GDA: variants seen among roughly 807,000 people sequenced by gnomAD.
GDA encodes guanine deaminase.
In GDA, 18 loss-of-function variants were observed where a neutral mutation model predicts 59.6. That is an observed-to-expected ratio of 0.30 (90% CI 0.21 to 0.45). The LOEUF (loss-of-function observed/expected upper bound fraction) is 0.45. Ranked by LOEUF, GDA falls within the 20% of genes least tolerant of loss-of-function variation. The probability of loss-of-function intolerance (pLI) is 1.00; values close to 1 mark genes in which losing one functional copy is unlikely to be tolerated. For synonymous variants in GDA, 201 were observed against 201.1 expected, an observed-to-expected ratio of 1.00 and a Z score of 0.00; for missense variants, 427 against 552.3, an observed-to-expected ratio of 0.77 and a Z score of 2.27.
intron 11 of GDA, among the ~76,000 whole-genome samples, chr9:72,241,972 T>C (rs1400231966): frequency 6.6e-6 from 1 of 152,200 alleles, no homozygotes; most frequent in African/African-American, 2.4e-5. Context: ...ATGATCATAA[T>C]AGTAAAATAG....
chr9:72,239,132 C>T (rs866727039), intron 10 of GDA, among the ~76,000 whole-genome samples: 2 of 152,128 alleles, frequency 1.3e-5, no homozygotes, highest in South Asian at 2.1e-4. Flanking sequence ...CGGGAAGAAT[C>T]GGCAAGTTAC....
At chr9:72,218,085 T>C (rs1836366546) in intron 5 of GDA, among the ~76,000 whole-genome samples, 1 of 152,098 alleles carries the variant, frequency 6.6e-6, no homozygotes. Context: ...AGCTAATTTT[T>C]ATGTTTTTAG....
chr9:72,212,601 T>C lies in GDA; in HGVS notation c.473-1285T>C, dbSNP rs191540881. 6.5e-4 allele frequency among the ~76,000 whole-genome samples: 99 copies of C among 152,266 alleles called. 1 individual carries two copies. In the East Asian group the frequency reaches 0.019, roughly 29 times the overall value. On this transcript the variant is annotated intron_variant, in intron 4 of 13. Coordinates refer to ENST00000358399, the MANE Select transcript of GDA (RefSeq NM_004293.5). ...CATAGCAGAGAACACTGTACATATATAGGTTTAGACCTTAACCAAATAATA... is the reference window on the plus strand; with the variant it reads ...CATAGCAGAGAACACTGTACATATACAGGTTTAGACCTTAACCAAATAATA...
At chr9:72,115,404 T>C (rs1011850143) in intron 1 of GDA, among the ~76,000 whole-genome samples, 3 of 152,178 alleles carry the variant, frequency 2.0e-5, no homozygotes, top group African/African-American at 7.2e-5. Context: ...TAACAGAATG[T>C]TAATTCTGTG....
chr9:72,239,375 T>C (rs62562038), intron 10 of GDA, among the ~76,000 whole-genome samples: 4,040 of 152,284 alleles, frequency 0.027, 86 homozygotes, highest in South Asian at 0.074. Flanking sequence ...TTTATACTTA[T>C]TCTTTCTGTA....
At chr9:72,143,909 T>A (rs2130661045) in intron 1 of GDA, among the ~76,000 whole-genome samples, 1 of 152,282 alleles carries the variant, frequency 6.6e-6, no homozygotes, top group African/African-American at 2.4e-5. Context: ...TCAAGAGTAA[T>A]ATAGGAGCTA....
intron 11 of GDA, among the ~76,000 whole-genome samples, chr9:72,242,041 T>C (rs939656270): frequency 6.6e-6 from 1 of 152,242 alleles, no homozygotes; most frequent in Admixed American, 6.5e-5. Flanking sequence ...ATACTTTATA[T>C]GTGTTGTTAT....
At chr9:72,239,195 G>A (rs770466662) in intron 10 of GDA, among the ~76,000 whole-genome samples, 1 of 152,158 alleles carries the variant, frequency 6.6e-6, no homozygotes, top group Non-Finnish European at 1.5e-5. Flanking sequence ...TAAATACCAT[G>A]AAATTATGCA....
intron 9 of GDA, among the ~76,000 whole-genome samples, chr9:72,230,028 CA>C (rs1310287054): frequency 6.6e-6 from 1 of 152,174 alleles, no homozygotes; most frequent in Non-Finnish European, 1.5e-5. Flanking sequence ...CTTTAGGACA[CA>C]TTTCTGTTTA....
At chr9:72,124,455 T>TAGAGTGCATATG (rs1166907044) in intron 1 of GDA, among the ~76,000 whole-genome samples, 1 of 152,230 alleles carries the variant, frequency 6.6e-6, no homozygotes, top group African/African-American at 2.4e-5. Flanking sequence ...CATATGTCTT[T>TAGAGTGCATATG]AGAACCAATG....
intron 1 of GDA, among the ~76,000 whole-genome samples, chr9:72,173,338 T>C (rs78173708): frequency 2.7e-5 from 4 of 149,848 alleles, no homozygotes; most frequent in Non-Finnish European, 4.5e-5. Flanking sequence ...TCCCCTTCTT[T>C]TTTTTTTTTT....
chr9:72,214,721 CTTT>C (rs746360588), intron 5 of GDA: 4 of 296,192 alleles, frequency 1.4e-5, no homozygotes, highest in South Asian at 5.5e-5. Flanking sequence ...ATTCAAAGTT[CTTT>C]TTTTTTTTTC....
chr9:72,241,467 G>A (rs1331354875), intron 11 of GDA, among the ~76,000 whole-genome samples, 169 bp downstream of exon 11: 1 of 152,218 alleles, frequency 6.6e-6, no homozygotes, highest in Non-Finnish European at 1.5e-5. Context: ...TTCACTGAAG[G>A]AGGAATCATT....
At chr9:72,182,001 C>T (rs548019201) in intron 1 of GDA, among the ~76,000 whole-genome samples, 147 of 152,286 alleles carry the variant, frequency 9.7e-4, no homozygotes, top group African/African-American at 3.5e-3. Context: ...ACTCTCTCTA[C>T]ATATATAGGT....
chr9:72,127,252 A>T (rs944397329), intron 1 of GDA, among the ~76,000 whole-genome samples: 1 of 152,122 alleles, frequency 6.6e-6, no homozygotes, highest in Admixed American at 6.5e-5. Flanking sequence ...AACCAGTTTT[A>T]AAAAAATTAA....
chr9:72,234,553 C>T (rs1838739016), intron 10 of GDA, among the ~76,000 whole-genome samples: 1 of 151,972 alleles, frequency 6.6e-6, no homozygotes, highest in Non-Finnish European at 1.5e-5. Context: ...TGAGGATGAT[C>T]GATGTGAAGC....
upstream of GDA, chr9:72,149,297 G>GC (rs1384588598): frequency 1.0e-5 from 5 of 499,122 alleles, no homozygotes; most frequent in African/African-American, 6.2e-5. Flanking sequence ...CAAAACTAAC[G>GC]CAAGGGTGGA....
intron 3 of GDA, among the ~76,000 whole-genome samples, chr9:72,207,022 G>A (rs998591737): frequency 6.6e-6 from 1 of 151,876 alleles, no homozygotes; most frequent in Non-Finnish European, 1.5e-5. Context: ...CATCCAATGT[G>A]CTGACATCAA....
chr9:72,238,591 A>G (rs1839273425), intron 10 of GDA, among the ~76,000 whole-genome samples: 1 of 152,220 alleles, frequency 6.6e-6, no homozygotes, highest in Non-Finnish European at 1.5e-5. Context: ...ATGAGCACAT[A>G]CCTATGAAAT....
Sources: allele counts gnomAD v4.1 joint callset (sites outside exome capture counted in the v4.1 genomes callset), GRCh38; gene constraint gnomAD v4.1.1; transcripts MANE v1.5; gene names NCBI Gene and HGNC (gene_info 2026-07-23, HGNC 2026-07-21).